Variants in JAK1 observed in about 807,000 individuals in gnomAD.
JAK1 encodes tyrosine-protein kinase JAK1.
Under a neutral mutation model 136.6 loss-of-function variants are expected in JAK1, and 16 were observed. That is an observed-to-expected ratio of 0.12 (90% CI 0.08 to 0.18). JAK1 has a LOEUF of 0.18. JAK1 is among the 10% of genes least tolerant of loss of function. The pLI, the probability that JAK1 is intolerant of heterozygous loss-of-function variation, is 1.00. For missense variants in JAK1, 859 were observed against 1,450.1 expected, an observed-to-expected ratio of 0.59 and a Z score of 6.62; for synonymous variants, 492 against 519.5, an observed-to-expected ratio of 0.95 and a Z score of 0.72.
chr1:64,969,437 A>G (rs1569783766), upstream of JAK1, among the ~76,000 whole-genome samples: 1 of 114,620 alleles, frequency 8.7e-6, no homozygotes. Context: ...CTCCTTTCCC[A>G]GCTGTGACTT....
intron 2 of JAK1, chr1:64,985,266 TG>T (rs1306117756): frequency 1.0e-5 from 16 of 1,607,982 alleles, no homozygotes; most frequent in Non-Finnish European, 1.3e-5. Flanking sequence ...CTGAGAGAGC[TG>T]GAGCATGATG....
chr1:64,935,361 G>A (rs540436922), intron 1 of JAK1, among the ~76,000 whole-genome samples: 10 of 152,306 alleles, frequency 6.6e-5, no homozygotes, highest in East Asian at 1.9e-4. Context: ...GTGCAATGGC[G>A]TGATCAGGGC....
At chr1:65,019,056 T>G (rs967886582) in intron 2 of JAK1, among the ~76,000 whole-genome samples, 3 of 151,824 alleles carry the variant, frequency 2.0e-5, no homozygotes, top group African/African-American at 7.3e-5. Flanking sequence ...AACAAAAATC[T>G]CGAACAATCC....
chr1:64,957,138 G>A (rs1646201944), intron 1 of JAK1, among the ~76,000 whole-genome samples: 2 of 152,108 alleles, frequency 1.3e-5, no homozygotes, highest in South Asian at 4.1e-4. Context: ...ATGAGTGGGT[G>A]GGAGGAAGTG....
At chr1:64,944,604 A>G (rs1645950092) in intron 1 of JAK1, among the ~76,000 whole-genome samples, 1 of 152,064 alleles carries the variant, frequency 6.6e-6, no homozygotes, top group Non-Finnish European at 1.5e-5. Flanking sequence ...AAGCCACCCA[A>G]TAGAAATCTA....
chr1:64,864,176 G>A (rs1656548531), intron 8 of JAK1, among the ~76,000 whole-genome samples: 1 of 152,204 alleles, frequency 6.6e-6, no homozygotes, highest in Admixed American at 6.5e-5. Context: ...AGTGCTAGCT[G>A]TCTCACCAGC....
At chr1:65,054,931 A>G (rs1476363107) in intron 1 of JAK1, among the ~76,000 whole-genome samples, 1 of 152,234 alleles carries the variant, frequency 6.6e-6, no homozygotes, top group Admixed American at 6.5e-5. Context: ...AGTTATCTTC[A>G]CACGGAAAAC....
chr1:65,048,372 C>A (rs1647208765), intron 1 of JAK1, among the ~76,000 whole-genome samples: 1 of 152,190 alleles, frequency 6.6e-6, no homozygotes, highest in Non-Finnish European at 1.5e-5. Flanking sequence ...ATTGTCCAAA[C>A]AAGCTCATCT....
chr1:64,964,970 C>T (rs1211986640), intron 1 of JAK1, among the ~76,000 whole-genome samples: 1 of 152,152 alleles, frequency 6.6e-6, no homozygotes, highest in Non-Finnish European at 1.5e-5. Flanking sequence ...TGGAAAACAT[C>T]AGAGTCACCA....
At chr1:64,902,961 A>G (rs1203943886) in intron 1 of JAK1, among the ~76,000 whole-genome samples, 2 of 152,170 alleles carry the variant, frequency 1.3e-5, no homozygotes, top group African/African-American at 4.8e-5. Flanking sequence ...GACCACTGTA[A>G]GGTCTTTGCC....
chr1:64,960,864 C>A (rs915973712), intron 1 of JAK1, among the ~76,000 whole-genome samples: 3 of 152,194 alleles, frequency 2.0e-5, no homozygotes, highest in African/African-American at 7.2e-5. Context: ...TTCTTCATGG[C>A]TTGATGATCA....
intron 1 of JAK1, among the ~76,000 whole-genome samples, chr1:64,951,438 A>G (rs10158586): frequency 0.98 from 148,885 of 152,224 alleles, 72,878 homozygotes; most frequent in East Asian, 1. Flanking sequence ...AAGTCTCTTC[A>G]CAGGGTTCCT....
At chr1:64,894,542 T>G (rs1156777744) in intron 1 of JAK1, among the ~76,000 whole-genome samples, 1 of 152,046 alleles carries the variant, frequency 6.6e-6, no homozygotes, top group African/African-American at 2.4e-5. Context: ...GCGGATCACT[T>G]GAGGTCAGGA....
At chr1:64,841,168 G>T in intron 19 of JAK1, 77 bp downstream of exon 19, 1 of 1,029,344 alleles carries the variant, frequency 9.7e-7, no homozygotes, top group Non-Finnish European at 1.5e-6. Context: ...ATGGAGAGCA[G>T]CTGTACGTGC....
intron 2 of JAK1, among the ~76,000 whole-genome samples, chr1:65,010,914 C>A (rs1242127361): frequency 1.3e-5 from 2 of 152,052 alleles, no homozygotes; most frequent in Non-Finnish European, 2.9e-5. Context: ...GGCCATCCAG[C>A]CACTTTGTGG....
chr1:64,889,205 T>C (rs1644897646), intron 1 of JAK1, among the ~76,000 whole-genome samples: 1 of 152,186 alleles, frequency 6.6e-6, no homozygotes, highest in Non-Finnish European at 1.5e-5. Context: ...TAAATTCAAG[T>C]TTCTTGCTGC....
chr1:64,894,956 CATATA>C (rs1372214280), intron 1 of JAK1, among the ~76,000 whole-genome samples: 1 of 152,130 alleles, frequency 6.6e-6, no homozygotes, highest in Non-Finnish European at 1.5e-5. Context: ...GAACCCTATC[CATATA>C]ATGAGTAATG....
At chr1:65,005,934 AT>A (rs35829909) in intron 2 of JAK1, among the ~76,000 whole-genome samples, 6,723 of 152,336 alleles carry the variant, frequency 0.044, 260 homozygotes, top group Admixed American at 0.14. Context: ...TTTAAAAGTC[AT>A]AATAATTAAG....
At chr1:64,985,209 A>G in intron 2 of JAK1, 31 of 1,583,636 alleles carry the variant, frequency 2.0e-5, no homozygotes, top group Non-Finnish European at 2.7e-5. Context: ...TGCACCCTTA[A>G]AGATTCCTGT....
Sources: allele counts gnomAD v4.1 joint callset (sites outside exome capture counted in the v4.1 genomes callset), GRCh38; gene constraint gnomAD v4.1.1; transcripts MANE v1.5; gene names NCBI Gene and HGNC (gene_info 2026-07-23, HGNC 2026-07-21).